The following FADS1 variants were observed in gnomAD, a reference collection of about 807,000 sequenced individuals.
FADS1 encodes the protein acyl-CoA (8-3)-desaturase.
A neutral mutation model predicts 61.6 loss-of-function variants in FADS1; 17 were observed. That is an observed-to-expected ratio of 0.28 (90% CI 0.19 to 0.41). The LOEUF (loss-of-function observed/expected upper bound fraction) is 0.41, where lower values mean the gene tolerates loss of function less well. Among genes scored for constraint, FADS1 ranks in the 10% least tolerant of loss-of-function variants. FADS1 has a pLI of 1.00. For missense variants in FADS1, 387 were observed against 650.9 expected, an observed-to-expected ratio of 0.59 and a Z score of 4.41; for synonymous variants, 238 against 258.7, an observed-to-expected ratio of 0.92 and a Z score of 0.77.
At chr11:61,812,365 T>C (rs1358679009) in intron 3 of FADS1, 106 bp downstream of exon 3, 3 of 950,922 alleles carry the variant, frequency 3.2e-6, no homozygotes, top group Non-Finnish European at 5.0e-6. Context: ...CCTTCAGATC[T>C]GCCCTGCTTG....
chr11:61,811,656 C>T (rs1347615029), intron 3 of FADS1, among the ~76,000 whole-genome samples: 3 of 150,320 alleles, frequency 2.0e-5, no homozygotes, highest in African/African-American at 7.4e-5. Flanking sequence ...ATGGTGCCAA[C>T]TCGGCTCACT....
chr11:61,808,442 C>G (rs1386826123), intron 5 of FADS1, among the ~76,000 whole-genome samples: 1 of 152,152 alleles, frequency 6.6e-6, no homozygotes, highest in Non-Finnish European at 1.5e-5. Context: ...CAATAGGCTG[C>G]TTGGTTCCAT....
rs747092937 is a variant in FADS1 at position 61,816,876 on chromosome 11, C to G, written c.54G>C (p.Pro18=). ...CGCCCAGAGCCAGCCGCCTGCGCGC[C>G]GGGTTTTCAGCACCGCAGGGCAGAC... ...PAGLPCGAEN[P]ARRRLALGAR... The change falls in exon 1 of 12, where the codon CCG becomes CCC. Residue 18 remains proline, a synonymous_variant. Transcript: ENST00000350997. The surrounding 1 kb of genome is among the most constrained non-coding windows in gnomAD (Gnocchi z 7.0). 8.0e-4 allele frequency: 1,183 copies of G among 1,476,878 alleles called. 10 individuals carry two copies. Among genetic ancestry groups the G allele is most frequent in the Non-Finnish European group, 3.1e-4 (354 of 1,124,830 alleles). The allele number at this position is 1,476,878 out of a possible 1,614,324, so 91.5% of individuals were successfully genotyped here.
Position 61,803,153 on chromosome 11 carries a change from G to A in FADS1, c.1249-42C>T, listed in dbSNP as rs377112345. On this transcript the variant is annotated intron_variant, in intron 9 of 11. Coordinates refer to ENST00000350997, the MANE Select transcript of FADS1 (RefSeq NM_013402.7). The surrounding 1 kb of genome is among the most constrained non-coding windows in gnomAD (Gnocchi z 4.3). ...GGGGAGAGCATGTTGAATATCAGAT[G>A]GAAAGGCCAGCCCAGCATTCTCCAG... 4.4e-6 allele frequency: 7 copies of A among 1,585,594 alleles called. No homozygotes were observed. The highest frequency in any genetic ancestry group is 5.2e-6 in the Non-Finnish European group (6 of 1,154,554).
At position 61,816,974 on chromosome 11, in the gene FADS1, G is replaced by A; in HGVS notation, c.-45C>T. 1 of 1,367,810 alleles carries A rather than the reference G, an allele frequency of 7.3e-7. No individual in the cohort carries two copies. Among genetic ancestry groups the A allele is most frequent in the Non-Finnish European group, 9.4e-7 (1 of 1,068,452 alleles). 84.7% of individuals were successfully genotyped at this position (1,367,810 alleles called of 1,614,324 possible). A position where few individuals can be genotyped will look rare whatever the true frequency, so the allele number is the denominator to read the frequency against. On this transcript the variant is annotated 5_prime_UTR_variant, in exon 1 of 12. Coordinates refer to ENST00000350997, the MANE Select transcript of FADS1 (RefSeq NM_013402.7). The surrounding 1 kb of genome is among the most constrained non-coding windows in gnomAD (Gnocchi z 7.0). ...GGGGAGCGAGATCCCGTCCCCCGGTGGGTCTTGGGCAACTCACAGCTGGGC... is the reference window on the plus strand; with the variant it reads ...GGGGAGCGAGATCCCGTCCCCCGGTAGGTCTTGGGCAACTCACAGCTGGGC...
At chr11:61,810,659 C>G (rs1273923757) in intron 5 of FADS1, 92 bp downstream of exon 5, 3 of 1,498,030 alleles carry the variant, frequency 2.0e-6, no homozygotes, top group Middle Eastern at 1.8e-4. Context: ...AGTGTCTTGC[C>G]CACACTGACA....
At chr11:61,808,870 A>C (rs1490461513) in intron 5 of FADS1, among the ~76,000 whole-genome samples, 1 of 152,178 alleles carries the variant, frequency 6.6e-6, no homozygotes, top group African/African-American at 2.4e-5. Flanking sequence ...CGCCTCACTG[A>C]GGTTATATCT....
In FADS1 at chr11:61,802,044, C is replaced by G. The variant is rs1305898319; in HGVS notation, c.*367G>C. The stretch of plus-strand genomic sequence containing the variant: ...TACAGGCGCGTGCCACCACGCCCGG[C>G]ATGAGTGGAATTTTAGTGTTAAATC... On this transcript the variant is annotated 3_prime_UTR_variant, in exon 12 of 12. Coordinates refer to ENST00000350997, the MANE Select transcript of FADS1 (RefSeq NM_013402.7). The surrounding 1 kb of genome is among the most constrained non-coding windows in gnomAD (Gnocchi z 4.2). The G allele has an allele frequency of 4.0e-6, 1 of 246,982 alleles. No homozygotes were observed. Among genetic ancestry groups the G allele is most frequent in the African/African-American group, 2.2e-5 (1 of 44,476 alleles). 15.3% of individuals were successfully genotyped at this position (246,982 alleles called of 1,614,324 possible).
intron 3 of FADS1, among the ~76,000 whole-genome samples, chr11:61,811,603 G>A (rs543680158): frequency 1.4e-5 from 2 of 147,220 alleles, no homozygotes; most frequent in African/African-American, 5.1e-5. Flanking sequence ...ACCATACCTG[G>A]CCTGTTTTGA....
chr11:61,814,949 G>A (rs966632346), intron 1 of FADS1: 10 of 153,062 alleles, frequency 6.5e-5, no homozygotes, highest in African/African-American at 1.9e-4. Flanking sequence ...ACCACGAAGA[G>A]GAAGACTTCC....
At position 61,816,217 on chromosome 11, in the gene FADS1, C is replaced by T; in HGVS notation, c.375+338G>A. 6.3e-7 allele frequency: 1 copy of T among 1,576,298 alleles called. No homozygotes were observed. On this transcript the variant is annotated intron_variant, in intron 1 of 11. Transcript: ENST00000350997. The surrounding 1 kb of genome is among the most constrained non-coding windows in gnomAD (Gnocchi z 7.0). ...AGGCGGCCTGCATCCTTGCTCTCCT[C>T]CCTCCTAGCCTACCCAGCTCGGGGT...
chr11:61,804,851 G>A (rs374922410), intron 6 of FADS1, 90 bp from the exon 7 acceptor site: 1 of 1,101,302 alleles, frequency 9.1e-7, no homozygotes. Flanking sequence ...CCTCTAGCAG[G>A]GGGCTGCCTC....
rs943009601 is a variant in FADS1, at chr11:61,799,817, T to A, written c.*2594A>T. 5 of 152,788 alleles carry A rather than the reference T, an allele frequency of 3.3e-5. No individual in the cohort carries two copies. The highest frequency in any genetic ancestry group is 1.2e-4 in the African/African-American group (5 of 41,478). 9.5% of individuals were successfully genotyped at this position (152,788 alleles called of 1,614,324 possible). ...AAGTGAGTTGGAATTCATGCTGCCA[T>A]GATCTACTTGACCAGAGGCAGCTTT... On this transcript the variant is annotated 3_prime_UTR_variant, in exon 12 of 12. Transcript: ENST00000350997.
At chr11:61,806,071 T>A (rs1289667732) in intron 6 of FADS1, 2 of 153,134 alleles carry the variant, frequency 1.3e-5, no homozygotes, top group Non-Finnish European at 2.9e-5. Context: ...CCGGGCGCGG[T>A]GGCTCACGCC....
rs1320082044 is a variant in FADS1, at chr11:61,800,124, AG to A, written c.*2286del. ...CCAAAAGGTGGCAAAGAATAGGAAT[AG>A]GAAGGATCAGCACCTATTTTGGAGT... is the stretch of plus-strand genomic sequence containing the variant. On this transcript the variant is annotated 3_prime_UTR_variant, in exon 12 of 12. Coordinates refer to ENST00000350997, the MANE Select transcript of FADS1 (RefSeq NM_013402.7). 6.5e-6 allele frequency: 1 copy of A among 152,792 alleles called. No homozygotes were observed. Among genetic ancestry groups the A allele is most frequent in the African/African-American group, 2.4e-5 (1 of 41,454 alleles). 9.5% of individuals were successfully genotyped at this position (152,792 alleles called of 1,614,324 possible). A position where few individuals can be genotyped will look rare whatever the true frequency, so the allele number is the denominator to read the frequency against.
chr11:61,802,790 C>T lies in FADS1; in HGVS notation c.1454+11G>A. 1 of 1,614,126 alleles carries T rather than the reference C, an allele frequency of 6.2e-7. No homozygotes were observed. The highest frequency in any genetic ancestry group is 8.5e-7 in the Non-Finnish European group (1 of 1,180,034). ...TCCCTACTAGCCATCTTCCTGGTCT[C>T]AGATACTCACTGGATGATGTCGGCG... On this transcript the variant is annotated intron_variant, in intron 11 of 11. Transcript: ENST00000350997. This position sits in a 1 kb window ranked among gnomAD's most constrained non-coding sequence, Gnocchi z 4.2.
At chr11:61,812,798 TACC>T in intron 2 of FADS1, 130 bp from the exon 3 acceptor site, 1 of 740,008 alleles carries the variant, frequency 1.4e-6, no homozygotes, top group Non-Finnish European at 2.3e-6. Flanking sequence ...TAGGCAAAGA[TACC>T]ACGACAATGA....
chr11:61,809,279 T>C (rs919929883), intron 5 of FADS1, among the ~76,000 whole-genome samples: 2 of 152,242 alleles, frequency 1.3e-5, no homozygotes, highest in Non-Finnish European at 2.9e-5. Flanking sequence ...TGTCATATTT[T>C]ACTGTTTTTA....
At chr11:61,806,504 G>T in intron 6 of FADS1, 160 bp downstream of exon 6, 1 of 655,830 alleles carries the variant, frequency 1.5e-6, no homozygotes. Flanking sequence ...AGCTGAGATG[G>T]CAAACTGCTG....
Sources: gnomAD v4.1 joint callset for allele counts (sites outside exome capture counted in the v4.1 genomes callset) on GRCh38, gnomAD v4.1.1 for gene constraint, Gnocchi (gnomAD v3.1) non-coding constraint, MANE v1.5 for transcripts, NCBI Gene and HGNC (gene_info 2026-07-23, HGNC 2026-07-21) for gene names.